MYOM1: variants seen among roughly 807,000 people sequenced by gnomAD.
The protein encoded by MYOM1 is myomesin 1.
A neutral mutation model predicts 205.3 loss-of-function variants in MYOM1; 164 were observed. The ratio of observed to expected loss-of-function variants is 0.80; its 90% confidence interval spans 0.70 to 0.91. The LOEUF is 0.91. Among genes scored for constraint, MYOM1 ranks in the 40% least tolerant of loss-of-function variants. The pLI is 0.00. For missense variants in MYOM1, 2,011 were observed against 2,127.3 expected (o/e 0.95, Z 1.08); for synonymous variants, 772 against 789.4 (o/e 0.98, Z 0.37).
chr18:3,190,241 C>A (rs2080884721), intron 3 of MYOM1, among the ~76,000 whole-genome samples: 1 of 152,036 alleles, frequency 6.6e-6, no homozygotes, highest in South Asian at 2.1e-4. Context: ...TTGTTAACCC[C>A]CTCAAATGTT....
intron 18 of MYOM1, among the ~76,000 whole-genome samples, chr18:3,127,282 CATATATATAT>C (rs1241920775): frequency 3.4e-5 from 2 of 59,478 alleles, no homozygotes; most frequent in Admixed American, 2.4e-4. Flanking sequence ...TCAGAATTTC[CATATATATAT>C]ATATATATAT....
At chr18:3,104,652 A>C (rs937587953) in intron 22 of MYOM1, among the ~76,000 whole-genome samples, 3 of 151,954 alleles carry the variant, frequency 2.0e-5, no homozygotes, top group Non-Finnish European at 2.9e-5. Context: ...ACTGCCCAAA[A>C]CCAAGAAATA....
chr18:3,174,729 T>G (rs1598743471), intron 6 of MYOM1, among the ~76,000 whole-genome samples: 1 of 152,108 alleles, frequency 6.6e-6, no homozygotes, highest in Non-Finnish European at 1.5e-5. Flanking sequence ...TCCGTGTAGA[T>G]TCCCACAACC....
Position 3,131,609 on chromosome 18 carries a change from G to A in MYOM1, c.2385-113C>T, listed in dbSNP as rs915803316. 8.0e-6 allele frequency: 8 copies of A among 999,520 alleles called. No individual in the cohort carries two copies. In the Admixed American group the frequency reaches 2.0e-4, roughly 24 times the overall value. 61.9% of individuals were successfully genotyped at this position (999,520 alleles called of 1,614,324 possible). The stretch of plus-strand genomic sequence containing the variant: ...TGAAAACAATTCTTTTTTTTTTATT[G>A]TGATTTATTTTGAACAGAAATGGGG... On this transcript the variant is annotated intron_variant, in intron 16 of 37. Coordinates refer to ENST00000356443, the MANE Select transcript of MYOM1 (RefSeq NM_003803.4).
intron 5 of MYOM1, among the ~76,000 whole-genome samples, chr18:3,180,687 T>C (rs190396095): frequency 9.2e-5 from 14 of 152,312 alleles, no homozygotes; most frequent in Admixed American, 9.2e-4. Context: ...TCCCTTATCA[T>C]TTTTATGTAA....
the MYOM1 span, among the ~76,000 whole-genome samples, chr18:3,245,796 G>T: frequency 8.5e-5 from 13 of 152,102 alleles, no homozygotes; most frequent in African/African-American, 2.9e-4. Flanking sequence ...CATCCCCTGG[G>T]GGACACCTTC....
chr18:3,097,033 G>A (rs938410005), intron 25 of MYOM1, among the ~76,000 whole-genome samples: 4 of 152,192 alleles, frequency 2.6e-5, no homozygotes, highest in Non-Finnish European at 5.9e-5. Flanking sequence ...TTTAAGGCAC[G>A]TGTTTAGTGG....
At chr18:3,183,218 C>T (rs956227103) in intron 5 of MYOM1, among the ~76,000 whole-genome samples, 4 of 152,168 alleles carry the variant, frequency 2.6e-5, no homozygotes, top group African/African-American at 4.8e-5. Flanking sequence ...CGTGGGCCAC[C>T]ACGCCCGGCC....
chr18:3,167,795 G>A (rs1372976563), intron 9 of MYOM1, among the ~76,000 whole-genome samples: 1 of 152,194 alleles, frequency 6.6e-6, no homozygotes, highest in Non-Finnish European at 1.5e-5. Flanking sequence ...TATCTGGAGT[G>A]TTACTTTAAA....
the MYOM1 span, among the ~76,000 whole-genome samples, chr18:3,241,781 A>T: frequency 1.3e-5 from 2 of 152,186 alleles, no homozygotes; most frequent in Non-Finnish European, 1.5e-5. Context: ...GCCAGGAGGG[A>T]GGCTGTACCC....
the MYOM1 span, among the ~76,000 whole-genome samples, chr18:3,244,508 AT>A: frequency 2.3e-4 from 35 of 152,218 alleles, no homozygotes; most frequent in South Asian, 6.0e-3. Flanking sequence ...GATCCCAGCC[AT>A]TTGGGAGGCA....
the MYOM1 span, among the ~76,000 whole-genome samples, chr18:3,240,660 C>A: frequency 6.6e-6 from 1 of 152,084 alleles, no homozygotes; most frequent in East Asian, 1.9e-4. Flanking sequence ...GTAGAGTGGG[C>A]GCTGCTGAAA....
At chr18:3,149,343 C>A in intron 12 of MYOM1, 142 bp from the exon 13 acceptor site, 1 of 646,786 alleles carries the variant, frequency 1.5e-6, no homozygotes. Context: ...TGAATGGTAT[C>A]AATCATGTAG....
chr18:3,155,951 A>G (rs1221454097), intron 10 of MYOM1, among the ~76,000 whole-genome samples: 1 of 152,230 alleles, frequency 6.6e-6, no homozygotes, highest in African/African-American at 2.4e-5. Flanking sequence ...CAATACTCAC[A>G]TCTGAGCTCA....
In MYOM1 at chr18:3,160,273, G is replaced by A. The variant is rs190390704; in HGVS notation, c.1501+4005C>T. 3.0e-3 allele frequency among the ~76,000 whole-genome samples: 448 copies of A among 151,170 alleles called. 2 individuals carry two copies. Among genetic ancestry groups the A allele is most frequent in the African/African-American group, 0.01 (419 of 41,134 alleles). Reference sequence around the variant, plus strand: ...TGCAATCACCAGTCATTGCAGCCTCGACCTCTTGGGCTCAAGCAATCCTCC... The same window carrying A: ...TGCAATCACCAGTCATTGCAGCCTCAACCTCTTGGGCTCAAGCAATCCTCC... On this transcript the variant is annotated intron_variant, in intron 10 of 37. Coordinates refer to ENST00000356443, the MANE Select transcript of MYOM1 (RefSeq NM_003803.4).
rs905276830 is a variant in MYOM1 at position 3,066,960 on chromosome 18, C to T, written c.*302G>A. On this transcript the variant is annotated 3_prime_UTR_variant, in exon 38 of 38. Coordinates refer to ENST00000356443, the MANE Select transcript of MYOM1 (RefSeq NM_003803.4). ...GCAAATCCCAATTCGCCCCACGACA[C>T]ATTCGTCTGCCCTCTGACCATCATT... 1 of 343,692 alleles carries T rather than the reference C, an allele frequency of 2.9e-6. No homozygotes were observed. The allele number at this position is 343,692 out of a possible 1,614,324, so 21.3% of individuals were successfully genotyped here. A position where few individuals can be genotyped will look rare whatever the true frequency, so the allele number is the denominator to read the frequency against.
At position 3,134,775 on chromosome 18, in the gene MYOM1, G is replaced by C. The variant is rs1221784076; in HGVS notation, c.2259C>G (p.Thr753=). 1.2e-6 allele frequency: 2 copies of C among 1,613,956 alleles called. No individual in the cohort carries two copies. The highest frequency in any genetic ancestry group is 1.7e-6 in the Non-Finnish European group (2 of 1,179,876). The change falls in exon 16 of 38, where the codon ACC becomes ACG. Residue 753 remains threonine, a synonymous_variant. Transcript: ENST00000356443. ...GKIIPSRNTD[T]SVVVSWEESK... Reference sequence around the variant, plus strand: ...ACTCCTCCCACGAAACTACCACTGAGGTGTCTGTGTTTCTGCTTGGGATGA... The same window carrying C: ...ACTCCTCCCACGAAACTACCACTGACGTGTCTGTGTTTCTGCTTGGGATGA...
At chr18:3,103,792 A>G (rs1237495483) in intron 22 of MYOM1, among the ~76,000 whole-genome samples, 2 of 152,258 alleles carry the variant, frequency 1.3e-5, no homozygotes, top group African/African-American at 4.8e-5. Context: ...AGAGGAAACC[A>G]GTGCCCAAAT....
chr18:3,100,483 G>A (rs2079361695), intron 23 of MYOM1, 57 bp from the exon 24 acceptor site: 9 of 1,293,340 alleles, frequency 7.0e-6, no homozygotes, highest in Middle Eastern at 1.8e-4. Flanking sequence ...GTGGGCCTGT[G>A]TTTCCCCTGA....
Sources: allele counts gnomAD v4.1 joint callset (sites outside exome capture counted in the v4.1 genomes callset), GRCh38; gene constraint gnomAD v4.1.1; transcripts MANE v1.5; gene names NCBI Gene and HGNC (gene_info 2026-07-23, HGNC 2026-07-21).